The following PCDHA10 variants were observed in gnomAD, a reference collection of about 807,000 sequenced individuals.
The protein encoded by PCDHA10 is protocadherin alpha 10.
In PCDHA10, 45 loss-of-function variants were observed where a neutral mutation model predicts 61.2. The observed-to-expected ratio is 0.74, with a 90% CI of 0.58 to 0.94. The LOEUF is 0.94. Among genes scored for constraint, PCDHA10 ranks in the 40% least tolerant of loss-of-function variants. The probability of loss-of-function intolerance (pLI) is 0.00; values close to 1 mark genes in which losing one functional copy is unlikely to be tolerated. For missense variants in PCDHA10, 1,278 were observed against 1,236.2 expected, an observed-to-expected ratio of 1.03 and a Z score of -0.51; for synonymous variants, 602 against 548.8, an observed-to-expected ratio of 1.10 and a Z score of -1.35.
Position 140,856,621 on chromosome 5 carries a change from A to T in PCDHA10, c.573A>T (p.Pro191=). The T allele has an allele frequency of 6.3e-7, 1 of 1,597,974 alleles. No individual in the cohort carries two copies. The highest frequency in any genetic ancestry group is 8.6e-7 in the Non-Finnish European group (1 of 1,167,550). Residue 191 remains proline (P), a synonymous_variant, in exon 1 of 4, where the codon CCA becomes CCT. Transcript: ENST00000307360. ...IINKKDKDKF[P]VLVLRKLLDR... ...ACAAAAAAGACAAAGACAAATTCCCAGTGCTTGTTCTGCGGAAGCTGCTGG... is the reference window on the plus strand; with the variant it reads ...ACAAAAAAGACAAAGACAAATTCCCTGTGCTTGTTCTGCGGAAGCTGCTGG...
In PCDHA10 at chr5:140,904,790, G is replaced by T. The variant is rs139747501; in HGVS notation, c.2388+46354G>T. 2.6e-3 allele frequency among the ~76,000 whole-genome samples: 392 copies of T among 152,018 alleles called. 4 individuals carry two copies. In the East Asian group the frequency reaches 0.045, roughly 17 times the overall value. The stretch of plus-strand genomic sequence containing the variant: ...TGGTATCACATTATTGTTTTAATTT[G>T]CATTTTCCTGATAATTAGTGATGTT... On this transcript the variant is annotated intron_variant, in intron 1 of 3. Coordinates refer to ENST00000307360, the MANE Select transcript of PCDHA10 (RefSeq NM_018901.4).
intron 1 of PCDHA10, among the ~76,000 whole-genome samples, chr5:140,942,008 T>C (rs155814): frequency 0.3 from 44,965 of 152,110 alleles, 7,230 homozygotes; most frequent in East Asian, 0.53. Flanking sequence ...CTCTTATTAT[T>C]AATTTTGGGA....
At chr5:140,957,029 T>G (rs782472701) in intron 1 of PCDHA10, among the ~76,000 whole-genome samples, 4 of 152,190 alleles carry the variant, frequency 2.6e-5, no homozygotes, top group African/African-American at 4.8e-5. Flanking sequence ...TTTAGATATT[T>G]ATGGGAGTCA....
intron 1 of PCDHA10, chr5:140,928,865 A>G: frequency 6.2e-7 from 1 of 1,614,072 alleles, no homozygotes; most frequent in Non-Finnish European, 8.5e-7. Flanking sequence ...CTGTTGAGCA[A>G]CTCTGTCCCT....
Position 140,856,255 on chromosome 5 carries a change from A to G in PCDHA10, c.207A>G (p.Arg69=). The G allele has an allele frequency of 2.5e-6, 4 of 1,597,974 alleles. No homozygotes were observed. The highest frequency in any genetic ancestry group is 3.4e-6 in the Non-Finnish European group (4 of 1,167,852). ...VQRLFRVASK[R]HGDLLEVNLQ... ...GCCTGTTCCGGGTGGCGTCCAAAAG[A>G]CACGGGGACCTTCTGGAGGTAAATC... Residue 69 remains arginine (R), a synonymous_variant, in exon 1 of 4, where the codon AGA becomes AGG. Transcript: ENST00000307360.
At chr5:140,943,974 T>G (rs1356208474) in intron 1 of PCDHA10, among the ~76,000 whole-genome samples, 2 of 152,022 alleles carry the variant, frequency 1.3e-5, no homozygotes, top group African/African-American at 4.8e-5. Flanking sequence ...TTAAAGTAAT[T>G]AAGAAAACAG....
intron 1 of PCDHA10, among the ~76,000 whole-genome samples, chr5:140,956,087 C>T (rs2095255787): frequency 6.6e-6 from 1 of 152,178 alleles, no homozygotes; most frequent in Admixed American, 6.5e-5. Context: ...ATCATGTCAT[C>T]TGCAAACAAA....
chr5:140,863,148 G>A (rs782014665), intron 1 of PCDHA10: 1 of 616,420 alleles, frequency 1.6e-6, no homozygotes, highest in Non-Finnish European at 3.1e-6. Context: ...TGCTGGTGAA[G>A]GACCACTGCG....
rs1325415176 is a variant in PCDHA10 at position 140,858,254 on chromosome 5, A to G, written c.2206A>G (p.Thr736Ala). 1 of 1,596,926 alleles carries G rather than the reference A, an allele frequency of 6.3e-7. No homozygotes were observed. The highest frequency in any genetic ancestry group is 8.6e-7 in the Non-Finnish European group (1 of 1,166,854). ...GGGCGCATGTGGGCCGGTGAAGCCCACGCTGGTGTGCTCTAGCGCGGTGGG... is the reference window on the plus strand; with the variant it reads ...GGGCGCATGTGGGCCGGTGAAGCCCGCGCTGGTGTGCTCTAGCGCGGTGGG... Reference protein sequence around the residue: ...TEGACGPVKPTLVCSSAVGSW... With the variant: ...TEGACGPVKPALVCSSAVGSW... The change falls in exon 1 of 4, where the codon ACG becomes GCG. Residue 736 changes from threonine to alanine, a missense_variant. By Grantham distance (58) the Thr-to-Ala change is moderately conservative (BLOSUM62 0). Transcript: ENST00000307360.
intron 1 of PCDHA10, among the ~76,000 whole-genome samples, chr5:140,970,348 T>A (rs2096398928): frequency 6.6e-6 from 1 of 152,186 alleles, no homozygotes; most frequent in Admixed American, 6.5e-5. Context: ...ATTTTCTGGA[T>A]CTAAAATTTG....
At chr5:140,943,826 GA>G (rs1186583699) in intron 1 of PCDHA10, among the ~76,000 whole-genome samples, 5 of 152,198 alleles carry the variant, frequency 3.3e-5, no homozygotes, top group African/African-American at 1.2e-4. Flanking sequence ...AAAATGAGTT[GA>G]TTGAAGTTGT....
chr5:140,965,316 T>C (rs1411473254), intron 1 of PCDHA10, among the ~76,000 whole-genome samples: 2 of 152,200 alleles, frequency 1.3e-5, no homozygotes, highest in Admixed American at 6.5e-5. Context: ...CCTTCTCTTT[T>C]ACTGAAGTGA....
chr5:140,950,569 T>G (rs969438550), intron 1 of PCDHA10, among the ~76,000 whole-genome samples: 2 of 152,120 alleles, frequency 1.3e-5, no homozygotes, highest in African/African-American at 4.8e-5. Context: ...TATTTTAAGG[T>G]TTTCTACTTA....
At chr5:140,875,842 A>G (rs782682417) in intron 1 of PCDHA10, 1 of 1,614,146 alleles carries the variant, frequency 6.2e-7, no homozygotes, top group Non-Finnish European at 8.5e-7. Context: ...CGTGGAGGTG[A>G]AGGACATTAA....
chr5:140,952,416 G>T (rs114343205), intron 1 of PCDHA10, among the ~76,000 whole-genome samples: 1 of 151,730 alleles, frequency 6.6e-6, no homozygotes, highest in Non-Finnish European at 1.5e-5. Context: ...TTAATGTTCC[G>T]CAGATTCCTA....
In PCDHA10 at chr5:140,856,905, C is replaced by T; in HGVS notation, c.857C>T (p.Pro286Leu). Reference protein sequence around the residue: ...MMYSFSSLVPPTIRRKFWINE... With the variant: ...MMYSFSSLVPLTIRRKFWINE... ...TATTCATTTAGCTCTTTGGTCCCAC[C>T]CACGATAAGAAGGAAATTTTGGATA... Residue 286 changes from proline to leucine, a missense_variant, in exon 1 of 4, where the codon CCC becomes CTC. Transcript: ENST00000307360. The T allele has an allele frequency of 6.3e-7, 1 of 1,595,990 alleles. No homozygotes were observed.
At chr5:140,983,822 T>C (rs1453990514) in intron 3 of PCDHA10, among the ~76,000 whole-genome samples, 2 of 152,216 alleles carry the variant, frequency 1.3e-5, no homozygotes, top group Non-Finnish European at 2.9e-5. Flanking sequence ...TTCCCAAAAA[T>C]AATCAGATGC....
chr5:140,968,932 A>G, intron 1 of PCDHA10: 3 of 1,614,164 alleles, frequency 1.9e-6, no homozygotes, highest in Non-Finnish European at 2.5e-6. Flanking sequence ...TTCTTTTGAC[A>G]ATCATCATTT....
At chr5:140,967,939 C>T in intron 1 of PCDHA10, 1 of 1,614,188 alleles carries the variant, frequency 6.2e-7, no homozygotes, top group Non-Finnish European at 8.5e-7. Context: ...GTGTCAATGA[C>T]CAAGACTCAG....
Sources: allele counts gnomAD v4.1 joint callset (sites outside exome capture counted in the v4.1 genomes callset), GRCh38; gene constraint gnomAD v4.1.1; transcripts MANE v1.5; gene names NCBI Gene and HGNC (gene_info 2026-07-23, HGNC 2026-07-21).